The following EXT2 variants were observed in gnomAD, a reference collection of about 807,000 sequenced individuals.
The protein encoded by EXT2 is exostosin-2.
In EXT2, 53 loss-of-function variants were observed where a neutral mutation model predicts 81.6. The observed-to-expected ratio is 0.65, with a 90% CI of 0.52 to 0.82. The LOEUF (loss-of-function observed/expected upper bound fraction) is 0.82. Ranked by LOEUF, EXT2 falls within the 40% of genes least tolerant of loss-of-function variation. EXT2 has a pLI of 0.00. For synonymous variants in EXT2, 320 were observed against 340.0 expected (o/e 0.94, Z 0.65); for missense variants, 774 against 910.2 (o/e 0.85, Z 1.93).
chr11:44,182,041 T>G (rs762383183), intron 8 of EXT2, among the ~76,000 whole-genome samples: 13 of 152,144 alleles, frequency 8.5e-5, no homozygotes, highest in Non-Finnish European at 1.5e-4. Flanking sequence ...TTTTGGGGGT[T>G]GGGGAAAGGA....
chr11:44,150,711 C>A (rs1350659239), intron 7 of EXT2, among the ~76,000 whole-genome samples: 1 of 152,144 alleles, frequency 6.6e-6, no homozygotes, highest in Non-Finnish European at 1.5e-5. Flanking sequence ...GTTCTCTCTC[C>A]TTAATCCATT....
chr11:44,117,886 C>G (rs1416796026), intron 4 of EXT2, among the ~76,000 whole-genome samples: 1 of 152,144 alleles, frequency 6.6e-6, no homozygotes, highest in Non-Finnish European at 1.5e-5. Flanking sequence ...CTCAGCCTCC[C>G]AAGTAGCTAG....
chr11:44,169,265 C>T (rs937242894), intron 7 of EXT2, among the ~76,000 whole-genome samples: 7 of 151,546 alleles, frequency 4.6e-5, no homozygotes, highest in Non-Finnish European at 1.0e-4. Context: ...AAATATAAAA[C>T]ATGTCTTGTG....
Position 44,246,966 on chromosome 11 carries a change from G to A in EXT2, c.*2679G>A, listed in dbSNP as rs940986208. Among the ~76,000 whole-genome samples, 86 of 152,232 alleles carry A rather than the reference G, an allele frequency of 5.6e-4. No homozygotes were observed. The highest frequency in any genetic ancestry group is 9.6e-4 in the Non-Finnish European group (65 of 68,046). ...CATCTTACTGGCCTATAGAGAAGAC[G>A]AACTTGAACTGGCCCTGGCCCAAGT... On this transcript the variant is annotated 3_prime_UTR_variant, in exon 14 of 14. Transcript: ENST00000533608.
intron 4 of EXT2, among the ~76,000 whole-genome samples, chr11:44,121,086 A>G (rs1387542922): frequency 6.6e-6 from 1 of 152,198 alleles, no homozygotes; most frequent in East Asian, 1.9e-4. Context: ...GTTCACATCT[A>G]CACTTGTTCA....
chr11:44,186,133 A>G (rs564052241), intron 8 of EXT2, among the ~76,000 whole-genome samples: 2 of 152,224 alleles, frequency 1.3e-5, no homozygotes, highest in Non-Finnish European at 2.9e-5. Flanking sequence ...CTTGTTCTAA[A>G]TAATCTAAAT....
chr11:44,105,150 G>A (rs1289924519), intron 1 of EXT2, among the ~76,000 whole-genome samples: 4 of 152,182 alleles, frequency 2.6e-5, no homozygotes, highest in Non-Finnish European at 4.4e-5. Context: ...TGTGGGCACT[G>A]ATGGGGAGAG....
chr11:44,163,703 TA>T lies in EXT2; in HGVS notation c.1174-7906del, dbSNP rs146092116. On this transcript the variant is annotated intron_variant, in intron 7 of 13. Transcript: ENST00000533608. ...AATGGTTCTGTCAATGTTAGTGTGT[TA>T]AGAGTAAGTTTCCTGTAGCTCGGAT... Among the ~76,000 whole-genome samples the T allele has an allele frequency of 7.9e-5, 12 of 152,344 alleles. No individual in the cohort carries two copies. The East Asian group carries it at 2.1e-3, about 27-fold the overall frequency.
intron 4 of EXT2, among the ~76,000 whole-genome samples, chr11:44,118,436 A>T (rs1478953019): frequency 1.3e-5 from 2 of 152,170 alleles, no homozygotes; most frequent in African/African-American, 4.8e-5. Flanking sequence ...AAGTTTAAAA[A>T]ATTTTACACT....
chr11:44,119,554 G>A (rs1954286464), intron 4 of EXT2, among the ~76,000 whole-genome samples: 4 of 152,284 alleles, frequency 2.6e-5, no homozygotes, highest in Admixed American at 1.3e-4. Flanking sequence ...GTCTCTGCCT[G>A]GCACGTGCCA....
intron 7 of EXT2, among the ~76,000 whole-genome samples, chr11:44,141,590 T>C (rs1954646753): frequency 6.6e-6 from 1 of 152,242 alleles, no homozygotes; most frequent in Non-Finnish European, 1.5e-5. Flanking sequence ...CTTTTAAGTA[T>C]GTTGAAAGTT....
intron 10 of EXT2, among the ~76,000 whole-genome samples, chr11:44,215,978 G>C (rs1016964003): frequency 6.6e-6 from 1 of 150,942 alleles, no homozygotes; most frequent in Non-Finnish European, 1.5e-5. Context: ...CCGGGTTCAC[G>C]CCATTCTCCT....
chr11:44,166,115 A>C (rs1954990528), intron 7 of EXT2, among the ~76,000 whole-genome samples: 1 of 152,236 alleles, frequency 6.6e-6, no homozygotes, highest in African/African-American at 2.4e-5. Flanking sequence ...ATTTCCAAGG[A>C]ACTCACAGTC....
intron 7 of EXT2, among the ~76,000 whole-genome samples, chr11:44,158,702 T>A (rs1954889466): frequency 6.6e-6 from 1 of 151,956 alleles, no homozygotes; most frequent in Admixed American, 6.5e-5. Flanking sequence ...TCTTTCCTTA[T>A]GTAGATCTGA....
In EXT2 at chr11:44,244,712, T is replaced by C. The variant is rs1252817572; in HGVS notation, c.*425T>C. 7 of 271,480 alleles carry C rather than the reference T, an allele frequency of 2.6e-5. No homozygotes were observed. Among genetic ancestry groups the C allele is most frequent in the Non-Finnish European group, 5.0e-5 (7 of 140,634 alleles). The allele number at this position is 271,480 out of a possible 1,614,324, so 16.8% of individuals were successfully genotyped here. On this transcript the variant is annotated 3_prime_UTR_variant, in exon 14 of 14. Transcript: ENST00000533608. ...GTAAAGGGTACCCAGACCTCACTTT[T>C]AGTTATTTACATCAATGAGTTCTTT...
At chr11:44,222,955 C>T (rs958825377) in intron 10 of EXT2, among the ~76,000 whole-genome samples, 2 of 152,116 alleles carry the variant, frequency 1.3e-5, no homozygotes, top group African/African-American at 4.8e-5. Flanking sequence ...AACAAATAAT[C>T]CAGTTAGAAA....
intron 3 of EXT2, among the ~76,000 whole-genome samples, chr11:44,111,264 C>T (rs1477512215): frequency 6.6e-6 from 1 of 151,884 alleles, no homozygotes; most frequent in African/African-American, 2.4e-5. Flanking sequence ...AAAAAAAATC[C>T]ATACACATGA....
chr11:44,181,038 T>G (rs1210937303), intron 8 of EXT2, among the ~76,000 whole-genome samples: 1 of 151,844 alleles, frequency 6.6e-6, no homozygotes, highest in Non-Finnish European at 1.5e-5. Context: ...GAGGCGGAGG[T>G]TGCAGGGAGC....
At chr11:44,194,462 G>A (rs921825023) in intron 8 of EXT2, among the ~76,000 whole-genome samples, 1 of 152,144 alleles carries the variant, frequency 6.6e-6, no homozygotes, top group Non-Finnish European at 1.5e-5. Context: ...TCTATAAAAT[G>A]GTAATGCATA....
Sources: gnomAD v4.1 joint callset for allele counts (sites outside exome capture counted in the v4.1 genomes callset) on GRCh38, gnomAD v4.1.1 for gene constraint, MANE v1.5 for transcripts, NCBI Gene and HGNC (gene_info 2026-07-23, HGNC 2026-07-21) for gene names.